NHLRC2: variants seen among roughly 807,000 people sequenced by gnomAD.
The protein encoded by NHLRC2 is NHL repeat containing 2.
NHLRC2 carries 33 observed loss-of-function variants against 68.1 expected under a neutral mutation model. The ratio of observed to expected loss-of-function variants is 0.48; its 90% CI spans 0.37 to 0.65. The LOEUF (loss-of-function observed/expected upper bound fraction) is 0.65. NHLRC2 is among the 30% of genes least tolerant of loss of function. NHLRC2 has a pLI of 0.00. For synonymous variants in NHLRC2, 311 were observed against 309.6 expected (o/e 1.00, Z -0.05); for missense variants, 761 against 853.8 (o/e 0.89, Z 1.35).
chr10:113,879,862 A>G (rs905883121), intron 4 of NHLRC2, among the ~76,000 whole-genome samples, 167 bp downstream of exon 4: 6 of 151,916 alleles, frequency 3.9e-5, no homozygotes, highest in Non-Finnish European at 7.4e-5. Context: ...TCCTGTTTCT[A>G]TTTGTGTCAG....
chr10:113,878,168 G>T (rs905572727), intron 3 of NHLRC2, among the ~76,000 whole-genome samples: 1 of 152,078 alleles, frequency 6.6e-6, no homozygotes, highest in Non-Finnish European at 1.5e-5. Flanking sequence ...TTTTATTGGT[G>T]ATGGTATCAT....
At chr10:113,856,075 A>G (rs1845754812) in intron 1 of NHLRC2, among the ~76,000 whole-genome samples, 1 of 152,178 alleles carries the variant, frequency 6.6e-6, no homozygotes, top group African/African-American at 2.4e-5. Context: ...ATCGGAATCA[A>G]TTATAGCCTA....
Position 113,908,696 on chromosome 10 carries a change from T to G in NHLRC2, c.*160T>G, listed in dbSNP as rs1459906894. The G allele has an allele frequency of 3.1e-6, 2 of 648,782 alleles. No individual in the cohort carries two copies. Among genetic ancestry groups the G allele is most frequent in the Non-Finnish European group, 5.2e-6 (2 of 382,694 alleles). The allele number at this position is 648,782 out of a possible 1,614,324, so 40.2% of individuals were successfully genotyped here. A position where few individuals can be genotyped will look rare whatever the true frequency, so the allele number is the denominator to read the frequency against. ...ATTAAAATAAAGCTATGCTCCTTAC[T>G]TACTTCTTTTATTATAAACAAATTC... On this transcript the variant is annotated 3_prime_UTR_variant, in exon 11 of 11. Coordinates refer to ENST00000369301, the MANE Select transcript of NHLRC2 (RefSeq NM_198514.4).
Position 113,869,121 on chromosome 10 carries a change from A to G in NHLRC2, c.332-7400A>G, listed in dbSNP as rs79722281. ...AACTACTTGGTGGGCAAGAATGGATATGGGAAATCTGTGACAAGGCTGTTG... is the reference window on the plus strand; with the variant it reads ...AACTACTTGGTGGGCAAGAATGGATGTGGGAAATCTGTGACAAGGCTGTTG... On this transcript the variant is annotated intron_variant, in intron 2 of 10. Transcript: ENST00000369301. Among the ~76,000 whole-genome samples the G allele has an allele frequency of 8.7e-3, 1,325 of 152,318 alleles. 20 individuals carry two copies. Among genetic ancestry groups the G allele is most frequent in the African/African-American group, 0.03 (1,262 of 41,570 alleles).
intron 2 of NHLRC2, among the ~76,000 whole-genome samples, chr10:113,874,156 C>A (rs1318003325): frequency 6.6e-6 from 1 of 152,046 alleles, no homozygotes; most frequent in Non-Finnish European, 1.5e-5. Flanking sequence ...TTTGTACTTA[C>A]AACTTTAAAA....
Position 113,879,640 on chromosome 10 carries a change from C to A in NHLRC2, c.854C>A (p.Ala285Asp). 6.4e-7 allele frequency: 1 copy of A among 1,568,736 alleles called. No homozygotes were observed. Among genetic ancestry groups the A allele is most frequent in the Non-Finnish European group, 8.7e-7 (1 of 1,144,426 alleles). ...ESTFNSPQGVAIMNNIIYVAD... is the reference protein window; with the variant it reads ...ESTFNSPQGVDIMNNIIYVAD... ...ACTTTTAATTCTCCACAGGGTGTAGCCATAATGAATAATATCATATATGTG... is the reference window on the plus strand; with the variant it reads ...ACTTTTAATTCTCCACAGGGTGTAGACATAATGAATAATATCATATATGTG... Residue 285 changes from alanine to aspartate, a missense_variant, in exon 4 of 11, where the codon GCC becomes GAC. Transcript: ENST00000369301.
Position 113,905,042 on chromosome 10 carries a change from A to C in NHLRC2, c.1924+6A>C, listed in dbSNP as rs1846264449. On this transcript the variant is annotated splice_donor_region_variant and intron_variant, in intron 10 of 10. Transcript: ENST00000369301. ...CTGGTTTCTAACAGCTGAAGGTATG[A>C]GTATAAGCTTGCAAATACTAATACA... The C allele has an allele frequency of 4.2e-6, 6 of 1,426,686 alleles. No individual in the cohort carries two copies. The South Asian group carries it at 7.0e-5, about 17-fold the overall frequency. The allele number at this position is 1,426,686 out of a possible 1,614,324, so 88.4% of individuals were successfully genotyped here. A position where few individuals can be genotyped will look rare whatever the true frequency, so the allele number is the denominator to read the frequency against.
In NHLRC2 at chr10:113,884,292, T is replaced by C. The variant is rs756782816; in HGVS notation, c.951T>C (p.Ile317=). ...EAEKVSTVAG[I]GIQGTDKEGG... ...AGAAGGTGAGCACTGTAGCTGGTAT[T>C]GGAATTCAAGGTACAGATAAAGAAG... Residue 317 remains isoleucine (I), a synonymous_variant, in exon 5 of 11, where the codon ATT becomes ATC. Transcript: ENST00000369301. 7 of 1,610,644 alleles carry C rather than the reference T, an allele frequency of 4.3e-6. No homozygotes were observed. The highest frequency in any genetic ancestry group is 1.7e-4 in the Middle Eastern group (1 of 6,046).
At chr10:113,891,553 A>G (rs1439776214) in intron 5 of NHLRC2, among the ~76,000 whole-genome samples, 1 of 152,122 alleles carries the variant, frequency 6.6e-6, no homozygotes, top group East Asian at 1.9e-4. Context: ...AATGCACCAC[A>G]TGTTTTAAAT....
At chr10:113,888,659 GTGGTCAGAACATCA>G (rs1308699563) in intron 5 of NHLRC2, among the ~76,000 whole-genome samples, 6 of 151,934 alleles carry the variant, frequency 3.9e-5, no homozygotes, top group African/African-American at 1.5e-4. Context: ...CATTCTTAAT[GTGGTCAGAACATCA>G]TGCACCAAAA....
chr10:113,889,695 CAA>C (rs1468722227), intron 5 of NHLRC2, among the ~76,000 whole-genome samples: 2 of 152,038 alleles, frequency 1.3e-5, no homozygotes, highest in African/African-American at 4.8e-5. Context: ...ATTTTCATCC[CAA>C]AAAGTTATTT....
chr10:113,855,409 C>T (rs1330387203), intron 1 of NHLRC2, among the ~76,000 whole-genome samples: 4 of 152,204 alleles, frequency 2.6e-5, no homozygotes, highest in African/African-American at 9.6e-5. Context: ...GTCTTCTGGT[C>T]ATCTTTCTGC....
At position 113,855,019 on chromosome 10, in the gene NHLRC2, G is replaced by A. The variant is rs1191480282; in HGVS notation, c.147G>A (p.Glu49=). 7.1e-6 allele frequency: 11 copies of A among 1,553,242 alleles called. No homozygotes were observed. The highest frequency in any genetic ancestry group is 9.6e-6 in the Non-Finnish European group (11 of 1,147,780). ...ATCTGCAGAAGGTGGACGGCTGGGA[G>A]CAGGACTTGTCAGTACCCGAGTTTC... is the stretch of plus-strand genomic sequence containing the variant. The part of the protein sequence containing the change: ...YQYLQKVDGW[E]QDLSVPEFPE... The change falls in exon 1 of 11, where the codon GAG becomes GAA. Residue 49 remains glutamate (E), a synonymous_variant. Transcript: ENST00000369301.
chr10:113,875,854 A>G (rs968526522), intron 2 of NHLRC2, among the ~76,000 whole-genome samples: 17 of 148,134 alleles, frequency 1.1e-4, no homozygotes, highest in African/African-American at 3.7e-4. Context: ...CTTAGCTGTT[A>G]TTATCTCTAC....
At chr10:113,872,224 AAAAAGCG>A (rs1336732237) in intron 2 of NHLRC2, among the ~76,000 whole-genome samples, 1 of 152,160 alleles carries the variant, frequency 6.6e-6, no homozygotes, top group Non-Finnish European at 1.5e-5. Flanking sequence ...ACTGAAGGGA[AAAAAGCG>A]TATATGAAGG....
chr10:113,888,878 G>A lies in NHLRC2; in HGVS notation c.1039+4498G>A, dbSNP rs148590172. On this transcript the variant is annotated intron_variant, in intron 5 of 10. Coordinates refer to ENST00000369301, the MANE Select transcript of NHLRC2 (RefSeq NM_198514.4). Reference sequence around the variant, plus strand: ...GGCTCGCCATATCACCTAGGCTGGAGTGCAGTGACGTGATCTCGGCTCACT... The same window carrying A: ...GGCTCGCCATATCACCTAGGCTGGAATGCAGTGACGTGATCTCGGCTCACT... Among the ~76,000 whole-genome samples the A allele has an allele frequency of 4.0e-3, 589 of 148,672 alleles. 3 individuals are homozygous for A. Among genetic ancestry groups the A allele is most frequent in the African/African-American group, 0.014 (555 of 39,818 alleles).
intron 10 of NHLRC2, 96 bp from the exon 11 acceptor site, chr10:113,908,184 A>G: frequency 1.1e-6 from 1 of 891,742 alleles, no homozygotes; most frequent in East Asian, 2.6e-5. Context: ...ATTTTTTAAT[A>G]AATATTTGTC....
chr10:113,902,376 C>A, intron 7 of NHLRC2, 95 bp from the exon 8 acceptor site: 2 of 777,532 alleles, frequency 2.6e-6, no homozygotes, highest in Non-Finnish European at 4.1e-6. Context: ...AACTTAAATA[C>A]CATTTGTAAC....
At position 113,915,374 on chromosome 10, in the gene NHLRC2, C is replaced by T; in HGVS notation, c.*6838C>T. ...TGTCAGGGCATGGTATGAATTCCTT[C>T]CTCTTTAAGCAGCAACTTACCACAG... is the stretch of plus-strand genomic sequence containing the variant. On this transcript the variant is annotated 3_prime_UTR_variant, in exon 11 of 11. Transcript: ENST00000369301. 2.7e-6 allele frequency: 1 copy of T among 377,082 alleles called. No individual in the cohort carries two copies. Among genetic ancestry groups the T allele is most frequent in the East Asian group, 7.2e-5 (1 of 13,810 alleles). 23.4% of individuals were successfully genotyped at this position (377,082 alleles called of 1,614,324 possible). A position where few individuals can be genotyped will look rare whatever the true frequency, so the allele number is the denominator to read the frequency against.
Sources: gnomAD v4.1 joint callset for allele counts (sites outside exome capture counted in the v4.1 genomes callset) on GRCh38, gnomAD v4.1.1 for gene constraint, MANE v1.5 for transcripts, NCBI Gene and HGNC (gene_info 2026-07-23, HGNC 2026-07-21) for gene names.